NLGN4X: variants seen among roughly 807,000 people sequenced by gnomAD.
NLGN4X encodes the protein neuroligin-4, X-linked.
A neutral mutation model predicts 40.3 loss-of-function variants in NLGN4X; 3 were observed. The ratio of observed to expected loss-of-function variants is 0.07; its 90% confidence interval spans 0.03 to 0.19. The LOEUF (loss-of-function observed/expected upper bound fraction) is 0.19. Ranked by LOEUF, NLGN4X falls within the 10% of genes least tolerant of loss-of-function variation. NLGN4X has a pLI of 1.00. For synonymous variants in NLGN4X, 270 were observed against 306.8 expected, an observed-to-expected ratio of 0.88 and a Z score of 1.25; for missense variants, 382 against 708.3, an observed-to-expected ratio of 0.54 and a Z score of 5.23.
chrX:6,152,398 T>C (rs1445352423), intron 1 of NLGN4X, among the ~76,000 whole-genome samples: 2 of 112,539 alleles, frequency 1.8e-5, no homozygotes, highest in African/African-American at 6.5e-5. Flanking sequence ...TTTGCTATTG[T>C]TTACCAGACT....
At chrX:6,220,734 CTT>C (rs774553248) in intron 1 of NLGN4X, among the ~76,000 whole-genome samples, 4 of 66,737 alleles carry the variant, frequency 6.0e-5, no homozygotes, top group African/African-American at 2.8e-4. Flanking sequence ...TTATAACTTT[CTT>C]TTTTTTTTTT....
chrX:6,184,840 G>C (rs1921852133), intron 1 of NLGN4X, among the ~76,000 whole-genome samples: 1 of 112,594 alleles, frequency 8.9e-6, no homozygotes, highest in South Asian at 3.7e-4. Flanking sequence ...GGTGGGCTTT[G>C]GACCAATACA....
In NLGN4X at chrX:5,924,863, G is replaced by A. The variant is rs773579429; in HGVS notation, c.626-15624C>T. 2.2e-3 allele frequency among the ~76,000 whole-genome samples: 239 copies of A among 110,394 alleles called. 2 individuals are homozygous for A. The highest frequency in any genetic ancestry group is 7.6e-3 in the African/African-American group (232 of 30,380). On this transcript the variant is annotated intron_variant, in intron 3 of 5. Coordinates refer to ENST00000381095, the MANE Select transcript of NLGN4X (RefSeq NM_181332.3). ...CTCTGGGGACTCAGAGGGAAAGGGT[G>A]GGAGGGGGTTGGGGGATAAAATACT...
intron 3 of NLGN4X, among the ~76,000 whole-genome samples, chrX:6,021,073 CCTCCCTCT>C (rs2036538128): frequency 1.4e-4 from 3 of 21,923 alleles, no homozygotes; most frequent in African/African-American, 6.9e-4. Context: ...TCCCTCCCTC[CCTCCCTCT>C]CTCTCTCTCT....
At chrX:5,980,461 G>T (rs2035350965) in intron 3 of NLGN4X, among the ~76,000 whole-genome samples, 2 of 103,762 alleles carry the variant, frequency 1.9e-5, no homozygotes, top group East Asian at 2.9e-4. Context: ...AAAATCTAAA[G>T]TCACAAAATT....
intron 1 of NLGN4X, among the ~76,000 whole-genome samples, chrX:6,227,396 C>G (rs1015298128): frequency 3.8e-4 from 41 of 109,143 alleles, no homozygotes; most frequent in Non-Finnish European, 6.3e-4. Context: ...GGCTCCAGAT[C>G]CCCCGAGACC....
Position 6,050,522 on chromosome X carries a change from T to C in NLGN4X, c.473-21090A>G, listed in dbSNP as rs148948008. Among the ~76,000 whole-genome samples the C allele has an allele frequency of 1.5e-4, 17 of 111,613 alleles. No homozygotes were observed. In the East Asian group the frequency reaches 4.8e-3, roughly 32 times the overall value. ...TACCATATATCTACCTGTCTACCCATCTCTATCTATCATCTATCCATGTAT... is the reference window on the plus strand; with the variant it reads ...TACCATATATCTACCTGTCTACCCACCTCTATCTATCATCTATCCATGTAT... On this transcript the variant is annotated intron_variant, in intron 2 of 5. Coordinates refer to ENST00000381095, the MANE Select transcript of NLGN4X (RefSeq NM_181332.3).
chrX:6,101,492 A>T (rs986598947), intron 2 of NLGN4X, among the ~76,000 whole-genome samples: 3 of 112,235 alleles, frequency 2.7e-5, no homozygotes, highest in African/African-American at 9.7e-5. Context: ...CAGCTATAAA[A>T]AAGAATCAGA....
chrX:6,148,098 T>C (rs1248124631), intron 2 of NLGN4X, among the ~76,000 whole-genome samples: 4 of 112,322 alleles, frequency 3.6e-5, no homozygotes, highest in Non-Finnish European at 5.6e-5. Context: ...CCAACACTTT[T>C]CCTCATGCAA....
intron 1 of NLGN4X, among the ~76,000 whole-genome samples, chrX:6,198,440 A>T (rs1227076357): frequency 9.0e-6 from 1 of 110,536 alleles, no homozygotes; most frequent in Non-Finnish European, 1.9e-5. Context: ...TACAATACAG[A>T]TTGTCTAGAA....
intron 3 of NLGN4X, among the ~76,000 whole-genome samples, chrX:5,964,565 G>C (rs1171095362): frequency 8.9e-6 from 1 of 111,905 alleles, no homozygotes; most frequent in Non-Finnish European, 1.9e-5. Context: ...GAACTGCAGT[G>C]GCATGATCAT....
intron 1 of NLGN4X, among the ~76,000 whole-genome samples, chrX:6,194,230 C>T (rs756438100): frequency 4.3e-4 from 48 of 111,747 alleles, no homozygotes; most frequent in Non-Finnish European, 7.9e-4. Flanking sequence ...GCAGTTTTTG[C>T]CTTACATTCA....
intron 3 of NLGN4X, among the ~76,000 whole-genome samples, chrX:5,980,825 A>C (rs749342746): frequency 4.0e-4 from 44 of 111,307 alleles, no homozygotes; most frequent in Non-Finnish European, 7.2e-4. Context: ...GAGCTCAGGT[A>C]GCAGGAGCCC....
intron 3 of NLGN4X, among the ~76,000 whole-genome samples, chrX:5,932,653 A>G (rs1179099933): frequency 9.0e-6 from 1 of 111,488 alleles, no homozygotes; most frequent in Non-Finnish European, 1.9e-5. Context: ...CTAATAGTTA[A>G]GATAAATCAT....
At chrX:6,113,370 T>G (rs1292835913) in intron 2 of NLGN4X, among the ~76,000 whole-genome samples, 4 of 111,567 alleles carry the variant, frequency 3.6e-5, no homozygotes, top group Non-Finnish European at 7.5e-5. Context: ...AAAGTTTCTT[T>G]TAAAAAACTA....
chrX:6,039,451 T>G (rs1240823873), intron 2 of NLGN4X, among the ~76,000 whole-genome samples: 1 of 112,127 alleles, frequency 8.9e-6, no homozygotes, highest in Non-Finnish European at 1.9e-5. Context: ...TAAGCAGTAA[T>G]AGGCGCTTAT....
At chrX:6,043,907 G>A (rs907383700) in intron 2 of NLGN4X, among the ~76,000 whole-genome samples, 7 of 110,487 alleles carry the variant, frequency 6.3e-5, no homozygotes, top group African/African-American at 2.0e-4. Flanking sequence ...GCCCACGAAG[G>A]CTTTTGCTAC....
At chrX:6,165,717 CAG>C (rs2040482438) in intron 1 of NLGN4X, among the ~76,000 whole-genome samples, 1 of 111,403 alleles carries the variant, frequency 9.0e-6, no homozygotes, top group African/African-American at 3.3e-5. Flanking sequence ...TTAAAGAAAA[CAG>C]AGGTATAATA....
At chrX:6,019,141 C>T (rs1300754901) in intron 3 of NLGN4X, among the ~76,000 whole-genome samples, 1 of 111,942 alleles carries the variant, frequency 8.9e-6, no homozygotes, top group East Asian at 2.8e-4. Context: ...CCCTAGGGTT[C>T]ATTTCCATAA....
Sources: gnomAD v4.1 joint callset for allele counts (sites outside exome capture counted in the v4.1 genomes callset) on GRCh38, gnomAD v4.1.1 for gene constraint, MANE v1.5 for transcripts, NCBI Gene and HGNC (gene_info 2026-07-23, HGNC 2026-07-21) for gene names.